ACTR3C: variants seen among roughly 807,000 people sequenced by gnomAD.
ACTR3C encodes actin-related protein 3C.
A neutral mutation model predicts 26.3 loss-of-function variants in ACTR3C; 18 were observed. The observed-to-expected ratio is 0.68, with a 90% CI of 0.47 to 1.01. The LOEUF is 1.01. ACTR3C is among the 50% of genes least tolerant of loss of function. The pLI is 0.00. For synonymous variants in ACTR3C, 55 were observed against 94.5 expected, an observed-to-expected ratio of 0.58 and a Z score of 2.42; for missense variants, 184 against 250.7, an observed-to-expected ratio of 0.73 and a Z score of 1.80.
At chr7:150,210,594 A>C in the ACTR3C span, among the ~76,000 whole-genome samples, 1 of 148,308 alleles carries the variant, frequency 6.7e-6, no homozygotes, top group Non-Finnish European at 1.5e-5. Flanking sequence ...ATCTCAACAT[A>C]ATTATACTTA....
chr7:149,962,053 GCTCACAGGAAGTGTAAA>G, the ACTR3C span, among the ~76,000 whole-genome samples: 1 of 152,044 alleles, frequency 6.6e-6, no homozygotes. Flanking sequence ...GGAAGTGAGA[GCTCACAGGAAGTGTAAA>G]CTCACAGGAA....
chr7:150,037,468 C>CT, the ACTR3C span, among the ~76,000 whole-genome samples: 2 of 51,682 alleles, frequency 3.9e-5, no homozygotes, highest in African/African-American at 1.2e-4. Flanking sequence ...TGCCTCCCCC[C>CT]CCTGCGATGG....
the ACTR3C span, among the ~76,000 whole-genome samples, chr7:150,185,274 G>GGGGTGT: frequency 2.1e-3 from 255 of 124,254 alleles, no homozygotes; most frequent in Middle Eastern, 0.013. Flanking sequence ...TTAAATGTCA[G>GGGGTGT]GCGTGTGTGT....
At chr7:150,019,498 A>C in the ACTR3C span, among the ~76,000 whole-genome samples, 1 of 140,706 alleles carries the variant, frequency 7.1e-6, no homozygotes, top group African/African-American at 3.0e-5. Context: ...AGGCTGAGGC[A>C]GGAGAATTGC....
At chr7:150,172,341 C>T in the ACTR3C span, among the ~76,000 whole-genome samples, 4 of 150,518 alleles carry the variant, frequency 2.7e-5, no homozygotes, top group Non-Finnish European at 5.9e-5. Flanking sequence ...GCACTTCTTA[C>T]GTGATGGCGG....
the ACTR3C span, among the ~76,000 whole-genome samples, chr7:150,220,173 T>TCA: frequency 2.7e-5 from 4 of 147,842 alleles, no homozygotes; most frequent in African/African-American, 1.1e-4. Flanking sequence ...GAGTCTCCAC[T>TCA]CGCCCGCCAA....
At chr7:150,225,186 G>C in the ACTR3C span, among the ~76,000 whole-genome samples, 1 of 152,110 alleles carries the variant, frequency 6.6e-6, no homozygotes, top group African/African-American at 2.4e-5. Flanking sequence ...AATGGTATTA[G>C]AAACTAATAT....
the ACTR3C span, among the ~76,000 whole-genome samples, chr7:150,068,622 C>A: frequency 1.7e-4 from 24 of 141,498 alleles, no homozygotes; most frequent in Admixed American, 2.1e-4. Flanking sequence ...ACTAAAAATA[C>A]AAAAAAAAAA....
At chr7:150,014,177 C>T in the ACTR3C span, among the ~76,000 whole-genome samples, 1 of 152,002 alleles carries the variant, frequency 6.6e-6, no homozygotes, top group Non-Finnish European at 1.5e-5. Context: ...AGGCATAGGC[C>T]GGGCACGGTG....
chr7:150,278,464 C>A (rs1441792310), intron 6 of ACTR3C, among the ~76,000 whole-genome samples: 1 of 152,220 alleles, frequency 6.6e-6, no homozygotes, highest in African/African-American at 2.4e-5. Flanking sequence ...TACTCCTGTC[C>A]ACACGGAGGC....
At chr7:150,174,240 C>G in the ACTR3C span, among the ~76,000 whole-genome samples, 1 of 139,470 alleles carries the variant, frequency 7.2e-6, no homozygotes, top group Non-Finnish European at 1.5e-5. Flanking sequence ...TATTGTTTCA[C>G]ATGGCTGGCG....
the ACTR3C span, among the ~76,000 whole-genome samples, chr7:150,035,245 T>G: frequency 1.3e-3 from 74 of 58,962 alleles, no homozygotes; most frequent in East Asian, 3.1e-3. Flanking sequence ...TAAGAGCCAG[T>G]GGGGGAACCA....
chr7:150,143,857 G>A, the ACTR3C span, among the ~76,000 whole-genome samples: 1 of 152,222 alleles, frequency 6.6e-6, no homozygotes, highest in Non-Finnish European at 1.5e-5. Context: ...GAAGCCGGGA[G>A]GCAAGAGGCC....
chr7:150,265,301 A>T (rs114436254), intron 6 of ACTR3C, among the ~76,000 whole-genome samples: 18,194 of 149,980 alleles, frequency 0.12, 1,878 homozygotes, highest in African/African-American at 0.26. Flanking sequence ...ATTATGGCTA[A>T]TTTAATACAT....
the ACTR3C span, among the ~76,000 whole-genome samples, chr7:149,965,968 C>G: frequency 0.031 from 4,733 of 152,266 alleles, 222 homozygotes; most frequent in African/African-American, 0.11. Flanking sequence ...GAACCGGCCA[C>G]TGACGAACTG....
the ACTR3C span, among the ~76,000 whole-genome samples, chr7:150,013,673 T>G: frequency 6.6e-6 from 1 of 152,226 alleles, no homozygotes; most frequent in Non-Finnish European, 1.5e-5. Flanking sequence ...CTCCTTTATT[T>G]GAAACAGCTG....
At chr7:149,896,512 T>C in the ACTR3C span, among the ~76,000 whole-genome samples, 1 of 152,052 alleles carries the variant, frequency 6.6e-6, no homozygotes, top group Non-Finnish European at 1.5e-5. Flanking sequence ...GGAGACCAAA[T>C]TTGTGACTGG....
chr7:150,131,594 C>G, the ACTR3C span, among the ~76,000 whole-genome samples: 2 of 152,194 alleles, frequency 1.3e-5, no homozygotes, highest in Non-Finnish European at 2.9e-5. Context: ...GGGAGCTATA[C>G]TCACTACCTG....
At chr7:150,003,760 T>C in the ACTR3C span, among the ~76,000 whole-genome samples, 1 of 152,188 alleles carries the variant, frequency 6.6e-6, no homozygotes. Flanking sequence ...TGGTGTATGG[T>C]GTACAGTGTC....
Sources: allele counts gnomAD v4.1 joint callset (sites outside exome capture counted in the v4.1 genomes callset), GRCh38; gene constraint gnomAD v4.1.1; transcripts MANE v1.5; gene names NCBI Gene and HGNC (gene_info 2026-07-23, HGNC 2026-07-21).